SLC9A9: variants seen among roughly 807,000 people sequenced by gnomAD.
The protein encoded by SLC9A9 is solute carrier family 9 member A9.
In SLC9A9, 62 loss-of-function variants were observed where a neutral mutation model predicts 77.8. The observed-to-expected ratio is 0.80, with a 90% CI of 0.65 to 0.98. The LOEUF (loss-of-function observed/expected upper bound fraction) is 0.98, where lower values mean the gene tolerates loss of function less well. Among genes scored for constraint, SLC9A9 ranks in the 50% least tolerant of loss-of-function variants. The pLI, the probability that SLC9A9 is intolerant of heterozygous loss-of-function variation, is 0.00. For missense variants in SLC9A9, 775 were observed against 774.9 expected, an observed-to-expected ratio of 1.00 and a Z score of 0.00; for synonymous variants, 320 against 283.5, an observed-to-expected ratio of 1.13 and a Z score of -1.29.
chr3:143,309,686 A>G (rs1476579208), intron 14 of SLC9A9, among the ~76,000 whole-genome samples: 1 of 152,094 alleles, frequency 6.6e-6, no homozygotes, highest in East Asian at 1.9e-4. Flanking sequence ...CTGTATCTCA[A>G]GTGGTCTTGT....
intron 2 of SLC9A9, among the ~76,000 whole-genome samples, chr3:143,808,970 C>T (rs753779616): frequency 5.9e-5 from 9 of 152,196 alleles, no homozygotes; most frequent in Non-Finnish European, 1.2e-4. Flanking sequence ...GGTTACACAA[C>T]TGTGCAAAAT....
At chr3:143,500,849 T>G (rs1178606652) in intron 9 of SLC9A9, among the ~76,000 whole-genome samples, 1 of 144,272 alleles carries the variant, frequency 6.9e-6, no homozygotes, top group Admixed American at 6.7e-5. Flanking sequence ...CAATAAAATT[T>G]GCATTTTATT....
intron 4 of SLC9A9, among the ~76,000 whole-genome samples, chr3:143,789,477 G>C (rs184306975): frequency 6.6e-6 from 1 of 152,120 alleles, no homozygotes; most frequent in African/African-American, 2.4e-5. Context: ...TAGAAACCCT[G>C]TTCTAAATCA....
chr3:143,403,002 A>G (rs1220660519), intron 12 of SLC9A9, among the ~76,000 whole-genome samples: 1 of 151,640 alleles, frequency 6.6e-6, no homozygotes, highest in Non-Finnish European at 1.5e-5. Flanking sequence ...TAATAACTCA[A>G]TTCCAGTAAG....
In SLC9A9 at chr3:143,449,604, AAATAT is replaced by A. The variant is rs1367760293; in HGVS notation, c.1469+17428_1469+17432del. Among the ~76,000 whole-genome samples, 6 of 11,448 alleles carry A rather than the reference AAATAT, an allele frequency of 5.2e-4. 3 individuals carry two copies. Among genetic ancestry groups the A allele is most frequent in the African/African-American group, 4.2e-3 (6 of 1,436 alleles). 7.5% of individuals were successfully genotyped at this position (11,448 alleles called of 152,430 possible). The stretch of plus-strand genomic sequence containing the variant: ...TAATTATATAAAATATAATTATATA[AAATAT>A]AATAATTATATAATTATATAAAATA... On this transcript the variant is annotated intron_variant, in intron 12 of 15. Coordinates refer to ENST00000316549, the MANE Select transcript of SLC9A9 (RefSeq NM_173653.4).
intron 6 of SLC9A9, among the ~76,000 whole-genome samples, chr3:143,584,054 T>C (rs1426337605): frequency 6.6e-6 from 1 of 152,180 alleles, no homozygotes; most frequent in East Asian, 1.9e-4. Flanking sequence ...ATGCTGCTGA[T>C]AGTGAACATA....
At position 143,694,399 on chromosome 3, in the gene SLC9A9, A is replaced by C. The variant is rs57899571; in HGVS notation, c.534-1092T>G. On this transcript the variant is annotated intron_variant, in intron 4 of 15. Transcript: ENST00000316549. Reference sequence around the variant, plus strand: ...TGAATATCCATGAGGTAGGGATAACAGTAATAGCCCACAGAATTGTTTTAA... The same window carrying C: ...TGAATATCCATGAGGTAGGGATAACCGTAATAGCCCACAGAATTGTTTTAA... Among the ~76,000 whole-genome samples the C allele has an allele frequency of 9.4e-3, 1,426 of 152,268 alleles. 29 individuals carry two copies. Among genetic ancestry groups the C allele is most frequent in the African/African-American group, 0.032 (1,343 of 41,552 alleles).
intron 2 of SLC9A9, among the ~76,000 whole-genome samples, chr3:143,799,685 A>G (rs758674597): frequency 2.0e-5 from 3 of 152,208 alleles, no homozygotes; most frequent in Non-Finnish European, 4.4e-5. Context: ...AGCCACTCCC[A>G]GAGCCGCTGG....
At chr3:143,588,895 C>A (rs2037601352) in intron 6 of SLC9A9, among the ~76,000 whole-genome samples, 2 of 152,176 alleles carry the variant, frequency 1.3e-5, no homozygotes, top group Non-Finnish European at 2.9e-5. Flanking sequence ...CTTTCTCCAA[C>A]TTTTCAATTT....
intron 2 of SLC9A9, among the ~76,000 whole-genome samples, chr3:143,800,532 C>A (rs1264989805): frequency 1.3e-5 from 2 of 152,166 alleles, no homozygotes; most frequent in East Asian, 3.9e-4. Flanking sequence ...CGTTTTTGAT[C>A]TTAAAGATGC....
chr3:143,693,889 T>C (rs1304073697), intron 4 of SLC9A9, among the ~76,000 whole-genome samples: 1 of 152,182 alleles, frequency 6.6e-6, no homozygotes, highest in Non-Finnish European at 1.5e-5. Flanking sequence ...TTAAAATGAA[T>C]ACTGAAATAG....
chr3:143,331,057 G>A (rs1206577248), intron 14 of SLC9A9, among the ~76,000 whole-genome samples: 1 of 152,194 alleles, frequency 6.6e-6, no homozygotes, highest in Non-Finnish European at 1.5e-5. Context: ...TTAGTTAATA[G>A]AGTACAGCAT....
In SLC9A9 at chr3:143,266,338, TA is replaced by T. The variant is rs1165096948; in HGVS notation, c.*363del. The stretch of plus-strand genomic sequence containing the variant: ...TTTAAACTCTCCTTAATGGAGGGAA[TA>T]AAATCCAGAATAGAAGTGAAGGGCC... On this transcript the variant is annotated 3_prime_UTR_variant, in exon 16 of 16. Transcript: ENST00000316549. 5.3e-6 allele frequency: 3 copies of T among 560,934 alleles called. No homozygotes were observed. The highest frequency in any genetic ancestry group is 9.5e-6 in the Non-Finnish European group (3 of 315,276). The allele number at this position is 560,934 out of a possible 1,614,324, so 34.7% of individuals were successfully genotyped here.
chr3:143,779,407 T>C (rs1407818412), intron 4 of SLC9A9, among the ~76,000 whole-genome samples: 1 of 152,210 alleles, frequency 6.6e-6, no homozygotes, highest in Non-Finnish European at 1.5e-5. Flanking sequence ...AGTTTTGTTT[T>C]GTTGCCCAGG....
At chr3:143,299,323 A>G (rs1420472485) in intron 14 of SLC9A9, among the ~76,000 whole-genome samples, 1 of 152,190 alleles carries the variant, frequency 6.6e-6, no homozygotes, top group South Asian at 2.1e-4. Flanking sequence ...GCAGCTCTGT[A>G]TAGGAGCTCT....
chr3:143,658,876 T>C (rs2038937005), intron 5 of SLC9A9, among the ~76,000 whole-genome samples: 1 of 152,246 alleles, frequency 6.6e-6, no homozygotes, highest in African/African-American at 2.4e-5. Context: ...TTTCCAGGTC[T>C]TGTATCTGGG....
intron 14 of SLC9A9, chr3:143,343,419 A>AG (rs939310130): frequency 2.6e-5 from 4 of 152,304 alleles, no homozygotes; most frequent in Non-Finnish European, 5.9e-5. Context: ...AGATGTAAAG[A>AG]GGGGAAAAAA....
At chr3:143,345,127 G>A (rs761108274) in intron 14 of SLC9A9, among the ~76,000 whole-genome samples, 6 of 152,180 alleles carry the variant, frequency 3.9e-5, no homozygotes, top group Non-Finnish European at 7.3e-5. Flanking sequence ...GTGTCTTTGA[G>A]TCATACAAGA....
chr3:143,324,331 G>T (rs78686508), intron 14 of SLC9A9, among the ~76,000 whole-genome samples: 1 of 152,172 alleles, frequency 6.6e-6, no homozygotes, highest in Non-Finnish European at 1.5e-5. Flanking sequence ...AGCTCCAACC[G>T]CAAGCCTAGT....
Sources: gnomAD v4.1 joint callset for allele counts (sites outside exome capture counted in the v4.1 genomes callset) on GRCh38, gnomAD v4.1.1 for gene constraint, MANE v1.5 for transcripts, NCBI Gene and HGNC (gene_info 2026-07-23, HGNC 2026-07-21) for gene names.